The following REV1 variants were observed in gnomAD, a reference collection of about 807,000 sequenced individuals.
REV1 encodes translesion synthesis protein REV1.
In REV1, 42 loss-of-function variants were observed where a neutral mutation model predicts 137.4. That is an observed-to-expected ratio of 0.31 (90% CI 0.24 to 0.40). REV1 has a LOEUF of 0.40. Among genes scored for constraint, REV1 ranks in the 10% least tolerant of loss-of-function variants. The pLI, the probability that REV1 is intolerant of heterozygous loss-of-function variation, is 1.00. For synonymous variants in REV1, 524 were observed against 519.2 expected (o/e 1.01, Z -0.12); for missense variants, 1,282 against 1,490.1 (o/e 0.86, Z 2.30).
intron 12 of REV1, among the ~76,000 whole-genome samples, chr2:99,415,275 A>C (rs1440273231): frequency 1.3e-5 from 2 of 152,210 alleles, no homozygotes; most frequent in Non-Finnish European, 2.9e-5. Context: ...GCAGCCACCT[A>C]TTAAGGAAAA....
intron 19 of REV1, chr2:99,403,384 C>G: frequency 1.8e-6 from 1 of 552,578 alleles, no homozygotes; most frequent in Non-Finnish European, 3.2e-6. Context: ...CATTTTGAAC[C>G]AACATCCTTT....
At position 99,408,144 on chromosome 2, in the gene REV1, G is replaced by T. The variant is rs1286119820; in HGVS notation, c.2346-13C>A. ...AAGAGTTACAGTCCTGTAAGTGATA[G>T]AATTAAAAAACAAAAGCTTCATTCC... is the stretch of plus-strand genomic sequence containing the variant. On this transcript the variant is annotated splice_polypyrimidine_tract_variant and intron_variant, in intron 14 of 22. Transcript: ENST00000258428. The T allele has an allele frequency of 1.3e-6, 2 of 1,535,064 alleles. No homozygotes were observed. The highest frequency in any genetic ancestry group is 1.8e-5 in the Admixed American group (1 of 55,666).
intron 3 of REV1, among the ~76,000 whole-genome samples, chr2:99,456,389 A>C (rs576051662): frequency 1.3e-5 from 2 of 152,316 alleles, no homozygotes; most frequent in Non-Finnish European, 1.5e-5. Context: ...TTTAGGTGCA[A>C]ATAAATGAAG....
At chr2:99,402,599 C>T (rs371052832) in intron 21 of REV1, 45 bp downstream of exon 21, 12 of 1,516,720 alleles carry the variant, frequency 7.9e-6, no homozygotes, top group Admixed American at 3.7e-5. Flanking sequence ...AATCATGAGA[C>T]GACTACATCT....
intron 4 of REV1, among the ~76,000 whole-genome samples, chr2:99,445,496 AC>A (rs1386949025): frequency 6.6e-6 from 1 of 152,244 alleles, no homozygotes; most frequent in African/African-American, 2.4e-5. Flanking sequence ...ATCAAGAACA[AC>A]AAAAACAAGA....
intron 5 of REV1, among the ~76,000 whole-genome samples, chr2:99,441,829 T>C (rs1372223936): frequency 1.3e-5 from 2 of 152,234 alleles, no homozygotes; most frequent in South Asian, 2.1e-4. Context: ...ATTATCATTA[T>C]AAAAATAATT....
At chr2:99,466,848 G>A (rs1255400590) in intron 1 of REV1, among the ~76,000 whole-genome samples, 1 of 152,148 alleles carries the variant, frequency 6.6e-6, no homozygotes, top group Non-Finnish European at 1.5e-5. Flanking sequence ...TCAAGTCCCA[G>A]AAGTACCACA....
At chr2:99,432,021 GT>G in intron 8 of REV1, 1 of 536,052 alleles carries the variant, frequency 1.9e-6, no homozygotes, top group South Asian at 8.2e-5. Flanking sequence ...GAAAACTGAA[GT>G]TGTCGATGGG....
chr2:99,467,159 C>T (rs752951794), intron 1 of REV1, among the ~76,000 whole-genome samples: 36 of 151,964 alleles, frequency 2.4e-4, no homozygotes, highest in Non-Finnish European at 4.7e-4. Context: ...AGTTGTGTAA[C>T]GTCTGTTGTA....
intron 11 of REV1, among the ~76,000 whole-genome samples, chr2:99,420,154 C>T (rs1239454796): frequency 6.6e-6 from 1 of 152,126 alleles, no homozygotes; most frequent in Non-Finnish European, 1.5e-5. Context: ...GTCTGTGGGC[C>T]AACATCAGGG....
intron 8 of REV1, among the ~76,000 whole-genome samples, chr2:99,433,039 T>C (rs1416703088): frequency 1.3e-5 from 2 of 152,226 alleles, no homozygotes; most frequent in East Asian, 3.8e-4. Context: ...AGTATATACA[T>C]GGTGGTTTTT....
chr2:99,415,439 G>C (rs900927156), intron 12 of REV1, among the ~76,000 whole-genome samples: 2 of 152,182 alleles, frequency 1.3e-5, no homozygotes, highest in Non-Finnish European at 2.9e-5. Flanking sequence ...CCCCTCCTTG[G>C]CATCCAGAAC....
chr2:99,441,063 G>T (rs191845465), intron 5 of REV1, among the ~76,000 whole-genome samples: 145 of 152,046 alleles, frequency 9.5e-4, no homozygotes, highest in Non-Finnish European at 1.3e-4. Flanking sequence ...AGAAGATTTT[G>T]AAAAAACATA....
At chr2:99,488,933 A>C (rs1030168817) in intron 1 of REV1, among the ~76,000 whole-genome samples, 2 of 152,222 alleles carry the variant, frequency 1.3e-5, no homozygotes, top group African/African-American at 4.8e-5. Flanking sequence ...AAATGAAACC[A>C]TTTCTACTTA....
At chr2:99,468,248 A>T (rs1265629730) in intron 1 of REV1, among the ~76,000 whole-genome samples, 3 of 152,062 alleles carry the variant, frequency 2.0e-5, no homozygotes, top group African/African-American at 4.8e-5. Flanking sequence ...ATCAGCAGGG[A>T]TCTTCGAAAA....
chr2:99,454,625 G>C (rs1575156496), intron 3 of REV1, among the ~76,000 whole-genome samples: 3 of 142,034 alleles, frequency 2.1e-5, no homozygotes, highest in East Asian at 2.3e-4. Context: ...CACACCTCTA[G>C]TCCCAGCTAC....
At chr2:99,435,657 G>C in intron 7 of REV1, 177 bp downstream of exon 7, 1 of 472,190 alleles carries the variant, frequency 2.1e-6, no homozygotes, top group Non-Finnish European at 3.7e-6. Flanking sequence ...TCCCTATAGG[G>C]AGAAAGAAAA....
At position 99,464,914 on chromosome 2, in the gene REV1, A is replaced by G. The variant is rs1026997977; in HGVS notation, c.54+8T>C. The G allele has an allele frequency of 6.2e-7, 1 of 1,612,476 alleles. No homozygotes were observed. The highest frequency in any genetic ancestry group is 8.5e-7 in the Non-Finnish European group (1 of 1,178,704). On this transcript the variant is annotated splice_region_variant and intron_variant, in intron 2 of 22. Transcript: ENST00000258428. The stretch of plus-strand genomic sequence containing the variant: ...CGATATAATTATTTTTACTCTTTTA[A>G]AACACACCCATGTTTCCCAGCCATC...
intron 3 of REV1, among the ~76,000 whole-genome samples, chr2:99,458,899 G>GT (rs2105069092): frequency 6.6e-6 from 1 of 152,268 alleles, no homozygotes; most frequent in South Asian, 2.1e-4. Flanking sequence ...CTATGAAAGA[G>GT]TAACATGAAA....
Sources: gnomAD v4.1 joint callset for allele counts (sites outside exome capture counted in the v4.1 genomes callset) on GRCh38, gnomAD v4.1.1 for gene constraint, MANE v1.5 for transcripts, NCBI Gene and HGNC (gene_info 2026-07-23, HGNC 2026-07-21) for gene names.